The following ZNF385D variants were observed in gnomAD, a reference collection of about 807,000 sequenced individuals.
ZNF385D encodes zinc finger protein 659.
Under a neutral mutation model 35.8 loss-of-function variants are expected in ZNF385D, and 15 were observed. The ratio of observed to expected loss-of-function variants is 0.42; its 90% CI spans 0.28 to 0.64. The LOEUF (loss-of-function observed/expected upper bound fraction) is 0.64. ZNF385D is among the 30% of genes least tolerant of loss of function. The pLI, the probability that ZNF385D is intolerant of heterozygous loss-of-function variation, is 0.23. For synonymous variants in ZNF385D, 212 were observed against 186.8 expected, an observed-to-expected ratio of 1.13 and a Z score of -1.10; for missense variants, 474 against 494.6, an observed-to-expected ratio of 0.96 and a Z score of 0.39.
chr3:21,584,511 CT>C (rs1276374324), intron 2 of ZNF385D, among the ~76,000 whole-genome samples: 1 of 152,034 alleles, frequency 6.6e-6, no homozygotes, highest in Non-Finnish European at 1.5e-5. Context: ...TATTAGACTT[CT>C]TTTTTATGCT....
chr3:22,001,969 TAA>T, intron 3 of ZNF385D, among the ~76,000 whole-genome samples: 1 of 151,886 alleles, frequency 6.6e-6, no homozygotes, highest in African/African-American at 2.4e-5. Context: ...TTTATCACAA[TAA>T]ATGGCTATAT....
intron 2 of ZNF385D, among the ~76,000 whole-genome samples, chr3:21,652,806 T>C (rs777723400): frequency 3.3e-5 from 5 of 152,188 alleles, no homozygotes; most frequent in Non-Finnish European, 7.3e-5. Context: ...TATTTGCTGC[T>C]TATAAAATTT....
chr3:21,828,647 C>T (rs988691091), intron 3 of ZNF385D, among the ~76,000 whole-genome samples: 2 of 152,146 alleles, frequency 1.3e-5, no homozygotes, highest in African/African-American at 4.8e-5. Context: ...CAGAAATAAA[C>T]CATCTTTGTT....
At chr3:21,685,105 A>T (rs562389957) in intron 1 of ZNF385D, among the ~76,000 whole-genome samples, 25 of 152,352 alleles carry the variant, frequency 1.6e-4, no homozygotes, top group Non-Finnish European at 2.8e-4. Flanking sequence ...TAAGAAAAAA[A>T]TACTGCAAAA....
chr3:21,904,928 G>C (rs1300564491), intron 3 of ZNF385D, among the ~76,000 whole-genome samples: 1 of 151,946 alleles, frequency 6.6e-6, no homozygotes, highest in African/African-American at 2.4e-5. Flanking sequence ...GAATATTCTA[G>C]AATATGGGTT....
chr3:22,159,543 C>T (rs912288219), intron 3 of ZNF385D, among the ~76,000 whole-genome samples: 1 of 151,898 alleles, frequency 6.6e-6, no homozygotes, highest in Non-Finnish European at 1.5e-5. Flanking sequence ...CTCTGTGTTG[C>T]AAAAGACAGT....
chr3:21,943,794 A>G (rs1007572982), intron 3 of ZNF385D, among the ~76,000 whole-genome samples: 2 of 152,226 alleles, frequency 1.3e-5, no homozygotes, highest in Non-Finnish European at 2.9e-5. Context: ...TAGTCCTGGC[A>G]GTTTAATGGA....
intron 1 of ZNF385D, among the ~76,000 whole-genome samples, chr3:21,697,668 C>A (rs2067521273): frequency 6.6e-6 from 1 of 152,110 alleles, no homozygotes; most frequent in Non-Finnish European, 1.5e-5. Flanking sequence ...AGTAAGCAGA[C>A]AATCTACAGA....
intron 3 of ZNF385D, among the ~76,000 whole-genome samples, chr3:22,112,899 G>C (rs981238940): frequency 2.3e-4 from 35 of 152,134 alleles, no homozygotes; most frequent in African/African-American, 7.5e-4. Context: ...AGTAAATCCA[G>C]AGATGAACAA....
rs552457373 is a variant in ZNF385D, at chr3:21,418,002, G to A, written c.*3212C>T. 1 of 152,230 alleles carries A rather than the reference G, an allele frequency of 6.6e-6. No homozygotes were observed. The highest frequency in any genetic ancestry group is 1.5e-5 in the Non-Finnish European group (1 of 68,002). 9.4% of individuals were successfully genotyped at this position (152,230 alleles called of 1,614,324 possible). On this transcript the variant is annotated 3_prime_UTR_variant, in exon 8 of 8. Coordinates refer to ENST00000281523, the MANE Select transcript of ZNF385D (RefSeq NM_024697.3). Reference sequence around the variant, plus strand: ...TCTTCAAAGTTGAGGTCCAGTGAGAGGAGCAATTTATCATGTGTAATTGCC... The same window carrying A: ...TCTTCAAAGTTGAGGTCCAGTGAGAAGAGCAATTTATCATGTGTAATTGCC...
At chr3:22,252,230 A>G (rs1700097330) in intron 2 of ZNF385D, among the ~76,000 whole-genome samples, 1 of 152,088 alleles carries the variant, frequency 6.6e-6, no homozygotes, top group South Asian at 2.1e-4. Flanking sequence ...CACATGTTTT[A>G]GCCAACTCTT....
intron 3 of ZNF385D, among the ~76,000 whole-genome samples, chr3:22,019,682 A>G (rs2125452729): frequency 6.6e-6 from 1 of 152,032 alleles, no homozygotes; most frequent in African/African-American, 2.4e-5. Context: ...ATATCCCCCA[A>G]AGTTCTGGTT....
chr3:22,293,028 CAAG>C (rs1162584452), intron 2 of ZNF385D, among the ~76,000 whole-genome samples: 1 of 152,100 alleles, frequency 6.6e-6, no homozygotes, highest in Non-Finnish European at 1.5e-5. Flanking sequence ...ACAGTTACCT[CAAG>C]AAGCTGTAAG....
chr3:22,246,411 A>T (rs1304295011), intron 2 of ZNF385D, among the ~76,000 whole-genome samples: 1 of 152,114 alleles, frequency 6.6e-6, no homozygotes, highest in Non-Finnish European at 1.5e-5. Context: ...GCAAATATGA[A>T]TTGAGTGACT....
Position 22,265,858 on chromosome 3 carries a change from C to T in ZNF385D, c.107-96823G>A, listed in dbSNP as rs554193237. On this transcript the variant is annotated intron_variant, in intron 2 of 5. Coordinates refer to the ZNF385D transcript ENST00000494108. ...ATTTTTGCACGTGGGAAAATAAGGT[C>T]ACATAGAGGTTAAGCCACATACCTT... is the stretch of plus-strand genomic sequence containing the variant. 3.3e-5 allele frequency among the ~76,000 whole-genome samples: 5 copies of T among 152,078 alleles called. No homozygotes were observed. The South Asian group carries it at 1.0e-3, about 31-fold the overall frequency.
Position 21,646,842 on chromosome 3 carries a change from T to C in ZNF385D, c.165+18044A>G, listed in dbSNP as rs2065766013. On this transcript the variant is annotated intron_variant, in intron 2 of 7. Coordinates refer to ENST00000281523, the MANE Select transcript of ZNF385D (RefSeq NM_024697.3). The surrounding 1 kb of genome is among the most constrained non-coding windows in gnomAD (Gnocchi z 4.3). ...CAATGTTAAGTCCTGGGTTGCTACCTGTAATGGCAGTCCTATCCAGCCCCT... is the reference window on the plus strand; with the variant it reads ...CAATGTTAAGTCCTGGGTTGCTACCCGTAATGGCAGTCCTATCCAGCCCCT... Among the ~76,000 whole-genome samples the C allele has an allele frequency of 6.6e-6, 1 of 152,320 alleles. No individual in the cohort carries two copies. Among genetic ancestry groups the C allele is most frequent in the East Asian group, 1.9e-4 (1 of 5,172 alleles).
At chr3:21,903,034 G>A (rs1265829102) in intron 3 of ZNF385D, among the ~76,000 whole-genome samples, 1 of 152,030 alleles carries the variant, frequency 6.6e-6, no homozygotes, top group Non-Finnish European at 1.5e-5. Context: ...TGAGTTTCTG[G>A]CATGGTGATT....
intron 3 of ZNF385D, among the ~76,000 whole-genome samples, chr3:21,806,197 T>C (rs1004927147): frequency 6.6e-6 from 1 of 151,964 alleles, no homozygotes; most frequent in East Asian, 1.9e-4. Flanking sequence ...TCTTTTTTTT[T>C]TTAAATTTCT....
At chr3:21,995,949 A>G (rs114554738) in intron 3 of ZNF385D, among the ~76,000 whole-genome samples, 1 of 152,136 alleles carries the variant, frequency 6.6e-6, no homozygotes, top group Non-Finnish European at 1.5e-5. Context: ...TGTGGGCTAG[A>G]GTGCTGGGGA....
Sources: allele counts gnomAD v4.1 joint callset (sites outside exome capture counted in the v4.1 genomes callset), GRCh38; gene constraint gnomAD v4.1.1; non-coding constraint Gnocchi (gnomAD v3.1); transcripts MANE v1.5; gene names NCBI Gene and HGNC (gene_info 2026-07-23, HGNC 2026-07-21).